HELLS: variants seen among roughly 807,000 people sequenced by gnomAD.
HELLS encodes the protein helicase, lymphoid specific.
In HELLS, 32 loss-of-function variants were observed where a neutral mutation model predicts 120.0. The observed-to-expected ratio is 0.27, with a 90% CI of 0.20 to 0.36. HELLS has a LOEUF of 0.36. Among genes scored for constraint, HELLS ranks in the 10% least tolerant of loss-of-function variants. The pLI is 1.00. For missense variants in HELLS, 650 were observed against 993.4 expected (o/e 0.65, Z 4.65); for synonymous variants, 341 against 323.4 (o/e 1.05, Z -0.58).
chr10:94,608,636 G>GTTTT (rs140578329), intron 9 of HELLS, among the ~76,000 whole-genome samples: 1 of 148,178 alleles, frequency 6.7e-6, no homozygotes, highest in Non-Finnish European at 1.5e-5. Context: ...CAGTTTTTTA[G>GTTTT]TTTTTTTTTT....
intron 4 of HELLS, among the ~76,000 whole-genome samples, chr10:94,560,082 G>C (rs1168376832): frequency 6.6e-6 from 1 of 151,988 alleles, no homozygotes; most frequent in East Asian, 1.9e-4. Context: ...ACCCAGGCTG[G>C]GATGCAGTGG....
intron 10 of HELLS, 93 bp downstream of exon 10, chr10:94,576,898 A>ATT: frequency 3.4e-6 from 4 of 1,173,480 alleles, no homozygotes; most frequent in South Asian, 1.7e-5. Context: ...CATTTGTCTA[A>ATT]TTTTTTTTTG....
exon 10 of HELLS, chr10:94,611,388 C>G (rs915939592): frequency 1.3e-5 from 2 of 152,172 alleles, no homozygotes; most frequent in Admixed American, 1.3e-4. Context: ...TTCAATAACT[C>G]AAAGAGACCA....
intron 2 of HELLS, among the ~76,000 whole-genome samples, chr10:94,547,313 A>G (rs1311460746): frequency 6.6e-6 from 1 of 152,152 alleles, no homozygotes; most frequent in Non-Finnish European, 1.5e-5. Flanking sequence ...ATTTTCATTT[A>G]CAAATGAAGA....
rs1230836848 is a variant in HELLS at position 94,545,795 on chromosome 10, A to C, written c.-127A>C. ...ATGACAGGATTTTCCCGCGAAGGAG[A>C]AGCGCGCTTTTTTCCCTGGCGGGGG... On this transcript the variant is annotated 5_prime_UTR_variant, in exon 1 of 22. Coordinates refer to ENST00000348459, the MANE Select transcript of HELLS (RefSeq NM_018063.5). 24 of 1,049,956 alleles carry C rather than the reference A, an allele frequency of 2.3e-5. No homozygotes were observed. The highest frequency in any genetic ancestry group is 4.0e-4 in the Middle Eastern group (2 of 5,024). 65.0% of individuals were successfully genotyped at this position (1,049,956 alleles called of 1,614,324 possible).
At chr10:94,596,356 A>G (rs561468843) in intron 19 of HELLS, among the ~76,000 whole-genome samples, 2 of 152,150 alleles carry the variant, frequency 1.3e-5, no homozygotes, top group African/African-American at 2.4e-5. Flanking sequence ...AGTAATTCCT[A>G]TGCTCCCCTT....
chr10:94,605,076 C>CCG (rs1554837206), downstream of HELLS, among the ~76,000 whole-genome samples: 4 of 117,436 alleles, frequency 3.4e-5, no homozygotes, highest in Non-Finnish European at 5.5e-5. Context: ...TGTGTCTCCC[C>CCG]CCCCCCCCCT....
chr10:94,558,030 A>G lies in HELLS; in HGVS notation c.277-109A>G, dbSNP rs1843348502. ...AGTTCCTCCCTGGTTTTTAATTATG[A>G]TAGACCTTAGTTTCTCATTGTAAAC... On this transcript the variant is annotated intron_variant, in intron 3 of 21. Coordinates refer to ENST00000348459, the MANE Select transcript of HELLS (RefSeq NM_018063.5). 2.9e-6 allele frequency: 4 copies of G among 1,378,414 alleles called. No homozygotes were observed. The South Asian group carries it at 5.8e-5, about 20-fold the overall frequency. 85.4% of individuals were successfully genotyped at this position (1,378,414 alleles called of 1,614,324 possible). A position where few individuals can be genotyped will look rare whatever the true frequency, so the allele number is the denominator to read the frequency against.
At chr10:94,564,995 T>C (rs941414300) in intron 6 of HELLS, among the ~76,000 whole-genome samples, 1 of 152,194 alleles carries the variant, frequency 6.6e-6, no homozygotes, top group African/African-American at 2.4e-5. Flanking sequence ...ATTTACATAA[T>C]AGTTTTCCTT....
intron 13 of HELLS, among the ~76,000 whole-genome samples, chr10:94,589,057 A>G (rs1019960773): frequency 3.9e-4 from 59 of 152,326 alleles, no homozygotes; most frequent in African/African-American, 1.4e-3. Flanking sequence ...CTGAGGCAGG[A>G]GAATCACTTG....
chr10:94,574,091 G>A lies in HELLS; in HGVS notation c.609G>A (p.Arg203=), dbSNP rs774427309. The A allele has an allele frequency of 3.1e-6, 5 of 1,614,000 alleles. 1 individual carries two copies. The South Asian group carries it at 5.5e-5, about 18-fold the overall frequency. Residue 203 remains arginine, a synonymous_variant, in exon 8 of 22, where the codon CGG becomes CGA. Transcript: ENST00000348459. The part of the protein sequence containing the change: ...QNTKFFFDPV[R]KCNGQPVPFQ... ...CTAAATTCTTTTTTGACCCAGTCCG[G>A]AAGTGTAATGGTCAGCCAGTACCTT...
intron 13 of HELLS, 74 bp from the exon 14 acceptor site, chr10:94,590,328 ATAAAATATGCC>A: frequency 8.7e-7 from 1 of 1,151,182 alleles, no homozygotes; most frequent in Non-Finnish European, 1.2e-6. Flanking sequence ...CATTTTGTAC[ATAAAATATGCC>A]TTATTTTGTT....
At chr10:94,594,386 G>A (rs757057415) in intron 18 of HELLS, among the ~76,000 whole-genome samples, 4 of 152,094 alleles carry the variant, frequency 2.6e-5, no homozygotes, top group Admixed American at 6.6e-5. Flanking sequence ...ACGTCTCACT[G>A]TTTGCCCACG....
exon 10 of HELLS, chr10:94,610,305 A>G (rs1247210987): frequency 6.6e-6 from 1 of 152,204 alleles, no homozygotes; most frequent in Non-Finnish European, 1.5e-5. Flanking sequence ...AATTAAAGAA[A>G]TAAATGAGGC....
chr10:94,612,352 C>T (rs975764306), exon 10 of HELLS: 1 of 152,194 alleles, frequency 6.6e-6, no homozygotes, highest in Non-Finnish European at 1.5e-5. Flanking sequence ...GTTAATGTAT[C>T]TCTTGATCAC....
chr10:94,586,130 T>C (rs1475831614), intron 12 of HELLS, among the ~76,000 whole-genome samples: 1 of 144,208 alleles, frequency 6.9e-6, no homozygotes, highest in Admixed American at 6.8e-5. Flanking sequence ...TATTTATTTT[T>C]ATTTTTTTGA....
rs1844858900 is a variant in HELLS at position 94,581,334 on chromosome 10, T to C, written c.1041T>C (p.Tyr347=). The change falls in exon 11 of 22, where the codon TAT becomes TAC. Residue 347 remains tyrosine (Y), a synonymous_variant. Coordinates refer to ENST00000348459, the MANE Select transcript of HELLS (RefSeq NM_018063.5). ...MRDRNALQHC[Y]WKYLIVDEGH... is the part of the protein sequence containing the mutation. ...CTCAATTCGTTTTCTAGCATTGCTATTGGAAATACTTAATAGTAGATGAAG... is the reference window on the plus strand; with the variant it reads ...CTCAATTCGTTTTCTAGCATTGCTACTGGAAATACTTAATAGTAGATGAAG... 1 of 1,538,544 alleles carries C rather than the reference T, an allele frequency of 6.5e-7. No homozygotes were observed. The highest frequency in any genetic ancestry group is 1.3e-5 in the South Asian group (1 of 79,348).
intron 21 of HELLS, among the ~76,000 whole-genome samples, chr10:94,599,308 T>C (rs951736445): frequency 4.6e-5 from 7 of 152,228 alleles, no homozygotes; most frequent in Non-Finnish European, 7.3e-5. Flanking sequence ...GATGATCACC[T>C]AATTAGATAC....
intron 17 of HELLS, among the ~76,000 whole-genome samples, chr10:94,592,969 G>A (rs1035942678): frequency 1.3e-5 from 2 of 151,912 alleles, no homozygotes; most frequent in African/African-American, 4.8e-5. Context: ...TGGTTTTTTG[G>A]TGCATTTAAA....
Sources: gnomAD v4.1 joint callset for allele counts (sites outside exome capture counted in the v4.1 genomes callset) on GRCh38, gnomAD v4.1.1 for gene constraint, MANE v1.5 for transcripts, NCBI Gene and HGNC (gene_info 2026-07-23, HGNC 2026-07-21) for gene names.